The following CADPS variants were observed in gnomAD, a reference collection of about 807,000 sequenced individuals.
CADPS encodes calcium dependent secretion activator.
A neutral mutation model predicts 167.3 loss-of-function variants in CADPS; 57 were observed. That is an observed-to-expected ratio of 0.34 (90% CI 0.28 to 0.42). CADPS has a LOEUF of 0.42. CADPS is among the 20% of genes least tolerant of loss of function. CADPS has a pLI of 1.00. For synonymous variants in CADPS, 676 were observed against 635.3 expected (o/e 1.06, Z -0.96); for missense variants, 1,414 against 1,738.1 (o/e 0.81, Z 3.32).
chr3:62,819,476 A>G (rs2094796627), intron 1 of CADPS, among the ~76,000 whole-genome samples: 1 of 150,574 alleles, frequency 6.6e-6, no homozygotes, highest in Non-Finnish European at 1.5e-5. Flanking sequence ...CAGCAGGTCT[A>G]TGATGTCCAA....
chr3:62,798,521 A>C (rs988702821), intron 1 of CADPS, among the ~76,000 whole-genome samples: 1 of 152,222 alleles, frequency 6.6e-6, no homozygotes, highest in South Asian at 2.1e-4. Flanking sequence ...CAGATGGCCT[A>C]TTGTAGGACT....
At chr3:62,695,861 C>G (rs79756195) in intron 3 of CADPS, among the ~76,000 whole-genome samples, 1 of 152,000 alleles carries the variant, frequency 6.6e-6, no homozygotes, top group African/African-American at 2.4e-5. Flanking sequence ...GCCCCCAAAC[C>G]TGTTTTTGGC....
intron 3 of CADPS, among the ~76,000 whole-genome samples, chr3:62,742,116 A>C (rs915517107): frequency 6.6e-6 from 1 of 152,220 alleles, no homozygotes; most frequent in Non-Finnish European, 1.5e-5. Context: ...CTGCTCAAAG[A>C]AATCAGAGAT....
At chr3:62,676,905 C>T (rs912839130) in intron 3 of CADPS, among the ~76,000 whole-genome samples, 1 of 152,120 alleles carries the variant, frequency 6.6e-6, no homozygotes, top group Non-Finnish European at 1.5e-5. Context: ...CAGCCTGGGG[C>T]TTTGATGCAG....
chr3:62,407,197 C>G (rs1358133253), intron 28 of CADPS, among the ~76,000 whole-genome samples: 1 of 152,070 alleles, frequency 6.6e-6, no homozygotes, highest in Non-Finnish European at 1.5e-5. Context: ...CCTCTCTCAA[C>G]CTAAAAGATT....
intron 6 of CADPS, chr3:62,625,088 G>A (rs1477915730): frequency 6.7e-6 from 1 of 150,362 alleles, no homozygotes; most frequent in African/African-American, 2.5e-5. Flanking sequence ...AAGGCACTTA[G>A]GGTCTTTGCT....
intron 28 of CADPS, among the ~76,000 whole-genome samples, chr3:62,431,467 C>A (rs542135268): frequency 4.6e-5 from 7 of 151,996 alleles, no homozygotes; most frequent in Non-Finnish European, 1.0e-4. Flanking sequence ...AAATAAAAAA[C>A]CCCGGTTGAA....
At chr3:62,773,419 A>G (rs762555480) in intron 1 of CADPS, among the ~76,000 whole-genome samples, 24 of 152,190 alleles carry the variant, frequency 1.6e-4, no homozygotes, top group Non-Finnish European at 3.1e-4. Context: ...ACGGCAAAAT[A>G]TAAATGAGTA....
chr3:62,754,587 C>A (rs999887776), intron 2 of CADPS, among the ~76,000 whole-genome samples: 11 of 152,320 alleles, frequency 7.2e-5, no homozygotes, highest in African/African-American at 2.6e-4. Flanking sequence ...CTCCTGGGCT[C>A]AAGCCATCCT....
intron 7 of CADPS, among the ~76,000 whole-genome samples, chr3:62,592,002 A>C (rs1271337142): frequency 1.3e-5 from 2 of 152,178 alleles, no homozygotes; most frequent in African/African-American, 4.8e-5. Context: ...TTCAAATCAA[A>C]GTCTTTTTGG....
chr3:62,559,880 C>T (rs886606055), intron 9 of CADPS, among the ~76,000 whole-genome samples: 6 of 151,344 alleles, frequency 4.0e-5, no homozygotes, highest in Non-Finnish European at 7.4e-5. Context: ...AGAGAGTTGC[C>T]GACACTCACT....
intron 6 of CADPS, among the ~76,000 whole-genome samples, chr3:62,632,671 T>G (rs2065508296): frequency 6.6e-6 from 1 of 152,146 alleles, no homozygotes; most frequent in South Asian, 2.1e-4. Context: ...AGTTTCCCGT[T>G]AATAATACCT....
At chr3:62,407,927 G>A (rs1412769142) in intron 28 of CADPS, among the ~76,000 whole-genome samples, 1 of 152,112 alleles carries the variant, frequency 6.6e-6, no homozygotes, top group African/African-American at 2.4e-5. Flanking sequence ...TAGAGATGGG[G>A]TTTTGCCATG....
intron 1 of CADPS, among the ~76,000 whole-genome samples, chr3:62,861,880 T>C (rs940459978): frequency 6.6e-6 from 1 of 152,212 alleles, no homozygotes; most frequent in Non-Finnish European, 1.5e-5. Context: ...ATCTCATCTC[T>C]AAAGAGAGTT....
At chr3:62,508,520 C>T (rs973346296) in intron 17 of CADPS, among the ~76,000 whole-genome samples, 4 of 152,134 alleles carry the variant, frequency 2.6e-5, no homozygotes, top group African/African-American at 9.7e-5. Flanking sequence ...TCAGGATTTC[C>T]ATGCATGAAT....
chr3:62,862,218 T>G (rs1243631277), intron 1 of CADPS, among the ~76,000 whole-genome samples: 1 of 112,112 alleles, frequency 8.9e-6, no homozygotes, highest in Non-Finnish European at 1.8e-5. Context: ...AAAACAGTGG[T>G]TTTTTTTTTT....
At chr3:62,618,083 T>C (rs1248494899) in intron 6 of CADPS, among the ~76,000 whole-genome samples, 1 of 151,992 alleles carries the variant, frequency 6.6e-6, no homozygotes, top group Non-Finnish European at 1.5e-5. Context: ...AATGACTCAA[T>C]AAGAGTCAGC....
intron 13 of CADPS, among the ~76,000 whole-genome samples, chr3:62,524,592 TCTTGA>T (rs2071585990): frequency 6.6e-6 from 1 of 152,202 alleles, no homozygotes. Flanking sequence ...GTGAGGACTG[TCTTGA>T]CTTATTTACA....
At chr3:62,757,193 A>G (rs976878391) in intron 2 of CADPS, among the ~76,000 whole-genome samples, 5 of 152,186 alleles carry the variant, frequency 3.3e-5, no homozygotes, top group African/African-American at 1.2e-4. Flanking sequence ...TCAATCAACA[A>G]TGAAGCTATA....
Sources: allele counts gnomAD v4.1 joint callset (sites outside exome capture counted in the v4.1 genomes callset), GRCh38; gene constraint gnomAD v4.1.1; transcripts MANE v1.5; gene names NCBI Gene and HGNC (gene_info 2026-07-23, HGNC 2026-07-21).